KCNQ1OT1: variants seen among roughly 807,000 people sequenced by gnomAD.
KCNQ1OT1 encodes the protein KCNQ1 opposite strand/antisense transcript 1, also known as KCNQ1 antisense RNA 2 (non-protein coding).
rs1347171096 is a variant in KCNQ1OT1, at chr11:2,661,148, C to T, written n.38847G>A. ...TGAGCAGAGAGGGTGGGCTAGGGAT[C>T]TAGTTGGCAGTTAACACTGATGACC... is the stretch of plus-strand genomic sequence containing the variant. On this transcript the variant is annotated non_coding_transcript_exon_variant, in exon 1 of 1. Transcript: ENST00000597346. The surrounding 1 kb of genome is among the most constrained non-coding windows in gnomAD (Gnocchi z 5.9). The T allele has an allele frequency of 2.5e-6, 1 of 398,448 alleles. No individual in the cohort carries two copies. Among genetic ancestry groups the T allele is most frequent in the East Asian group, 3.6e-5 (1 of 28,090 alleles). 24.7% of individuals were successfully genotyped at this position (398,448 alleles called of 1,614,324 possible).
In KCNQ1OT1 at chr11:2,683,081, G is replaced by A; in HGVS notation, n.16914C>T. On this transcript the variant is annotated non_coding_transcript_exon_variant, in exon 1 of 1. Coordinates refer to ENST00000597346, the Ensembl canonical transcript of KCNQ1OT1. The surrounding 1 kb of genome is among the most constrained non-coding windows in gnomAD (Gnocchi z 4.7). The stretch of plus-strand genomic sequence containing the variant: ...AGGCTCTTGCTAGCCTGAGGACCAG[G>A]AGCCTTCAGATTTTCTTGTTCCCAG... 1 of 398,578 alleles carries A rather than the reference G, an allele frequency of 2.5e-6. No homozygotes were observed. Among genetic ancestry groups the A allele is most frequent in the Non-Finnish European group, 4.4e-6 (1 of 226,122 alleles). The allele number at this position is 398,578 out of a possible 1,614,324, so 24.7% of individuals were successfully genotyped here.
exon 1 of KCNQ1OT1, chr11:2,618,015 C>T (rs1849096781): frequency 2.5e-6 from 1 of 398,334 alleles, no homozygotes; most frequent in South Asian, 1.3e-4. Flanking sequence ...GTTTCCGTTC[C>T]TGTGCAGAAG....
exon 1 of KCNQ1OT1, chr11:2,699,355 C>A: frequency 2.5e-6 from 1 of 399,274 alleles, no homozygotes; most frequent in Non-Finnish European, 4.4e-6. Flanking sequence ...TCACCCGTCC[C>A]GCGCCGTCCG....
In KCNQ1OT1 at chr11:2,625,220, C is replaced by T. The variant is rs1849243852; in HGVS notation, n.74775G>A. On this transcript the variant is annotated non_coding_transcript_exon_variant, in exon 1 of 1. Coordinates refer to ENST00000597346, the Ensembl canonical transcript of KCNQ1OT1. ...ACAGTGCACAAGGATTCCAATTTCTCCATGTCCCTTCCAGCAGTGGTTATT... is the reference window on the plus strand; with the variant it reads ...ACAGTGCACAAGGATTCCAATTTCTTCATGTCCCTTCCAGCAGTGGTTATT... 9 of 398,632 alleles carry T rather than the reference C, an allele frequency of 2.3e-5. No individual in the cohort carries two copies. The South Asian group carries it at 1.0e-3, about 45-fold the overall frequency. The allele number at this position is 398,632 out of a possible 1,614,324, so 24.7% of individuals were successfully genotyped here. A position where few individuals can be genotyped will look rare whatever the true frequency, so the allele number is the denominator to read the frequency against.
At position 2,658,701 on chromosome 11, in the gene KCNQ1OT1, T is replaced by A; in HGVS notation, n.41294A>T. ...CAGAGCTAGGAAATATATGTATGTATGTAACCTGAGTACACATACATCTTT... is the reference window on the plus strand; with the variant it reads ...CAGAGCTAGGAAATATATGTATGTAAGTAACCTGAGTACACATACATCTTT... On this transcript the variant is annotated non_coding_transcript_exon_variant, in exon 1 of 1. Coordinates refer to ENST00000597346, the Ensembl canonical transcript of KCNQ1OT1. This position sits in a 1 kb window ranked among gnomAD's most constrained non-coding sequence, Gnocchi z 4.9. 2 of 398,584 alleles carry A rather than the reference T, an allele frequency of 5.0e-6. No homozygotes were observed. Among genetic ancestry groups the A allele is most frequent in the South Asian group, 1.3e-4 (1 of 7,858 alleles). The allele number at this position is 398,584 out of a possible 1,614,324, so 24.7% of individuals were successfully genotyped here. A position where few individuals can be genotyped will look rare whatever the true frequency, so the allele number is the denominator to read the frequency against.
exon 1 of KCNQ1OT1, chr11:2,699,349 C>T (rs1275622948): frequency 2.5e-5 from 10 of 398,938 alleles, no homozygotes; most frequent in Non-Finnish European, 4.4e-5. Flanking sequence ...CAGTGATCAC[C>T]CGTCCCGCGC....
rs1185558986 is a variant in KCNQ1OT1 at position 2,652,408 on chromosome 11, G to A, written n.47587C>T. 4.8e-5 allele frequency: 19 copies of A among 398,548 alleles called. No individual in the cohort carries two copies. The highest frequency in any genetic ancestry group is 8.0e-5 in the Non-Finnish European group (18 of 226,048). The allele number at this position is 398,548 out of a possible 1,614,324, so 24.7% of individuals were successfully genotyped here. A position where few individuals can be genotyped will look rare whatever the true frequency, so the allele number is the denominator to read the frequency against. The stretch of plus-strand genomic sequence containing the variant: ...AGATTAAAAACATTTTTTTCTTCCT[G>A]TGTAATTTTGTCTTGAAAATCAAGG... On this transcript the variant is annotated non_coding_transcript_exon_variant, in exon 1 of 1. Transcript: ENST00000597346. The surrounding 1 kb of genome is among the most constrained non-coding windows in gnomAD (Gnocchi z 5.9).
chr11:2,648,820 C>A, exon 1 of KCNQ1OT1: 1 of 398,408 alleles, frequency 2.5e-6, no homozygotes, highest in Non-Finnish European at 4.4e-6. Context: ...CCATCCCTAA[C>A]TATTATTGTA....
exon 1 of KCNQ1OT1, chr11:2,622,925 G>A: frequency 2.5e-6 from 1 of 398,590 alleles, no homozygotes. Flanking sequence ...CACTGTTGGG[G>A]TGTACATTCT....
chr11:2,648,474 A>G, exon 1 of KCNQ1OT1: 1 of 398,300 alleles, frequency 2.5e-6, no homozygotes, highest in African/African-American at 2.1e-5. Flanking sequence ...CTGTGTTTCT[A>G]TTTTCATTTG....
chr11:2,666,221 C>T (rs976387059), exon 1 of KCNQ1OT1: 30 of 398,516 alleles, frequency 7.5e-5, no homozygotes, highest in African/African-American at 2.9e-4. Context: ...ACTCAGGGAG[C>T]ACCCGGCCCA....
In KCNQ1OT1 at chr11:2,678,747, T is replaced by TG; in HGVS notation, n.21247dup. 2.5e-6 allele frequency: 1 copy of TG among 398,562 alleles called. No individual in the cohort carries two copies. Among genetic ancestry groups the TG allele is most frequent in the East Asian group, 3.6e-5 (1 of 28,066 alleles). The allele number at this position is 398,562 out of a possible 1,614,324, so 24.7% of individuals were successfully genotyped here. ...TTAGCTCTTGAGTTAGACAGGAAGC[T>TG]GGGGTGTTTGGGACTGAGGCTTCAT... On this transcript the variant is annotated non_coding_transcript_exon_variant, in exon 1 of 1. Coordinates refer to ENST00000597346, the Ensembl canonical transcript of KCNQ1OT1. This position sits in a 1 kb window ranked among gnomAD's most constrained non-coding sequence, Gnocchi z 4.9.
At chr11:2,666,944 A>G (rs1850082633) in exon 1 of KCNQ1OT1, 1 of 398,634 alleles carries the variant, frequency 2.5e-6, no homozygotes, top group Non-Finnish European at 4.4e-6. Flanking sequence ...CTCTGTCTGC[A>G]CGAGATGCCA....
exon 1 of KCNQ1OT1, chr11:2,638,617 T>G (rs1315436509): frequency 6.6e-6 from 1 of 152,234 alleles, no homozygotes. Context: ...ATTTTTTCCT[T>G]CATTTCAACT....
Position 2,660,297 on chromosome 11 carries a change from C to T in KCNQ1OT1, n.39698G>A, listed in dbSNP as rs1315744675. On this transcript the variant is annotated non_coding_transcript_exon_variant, in exon 1 of 1. Coordinates refer to ENST00000597346, the Ensembl canonical transcript of KCNQ1OT1. ...CTAAATGCATTAAAACTTTTACACACATACATATGTATACATACAACACAT... is the reference window on the plus strand; with the variant it reads ...CTAAATGCATTAAAACTTTTACACATATACATATGTATACATACAACACAT... 4.3e-5 allele frequency: 17 copies of T among 398,248 alleles called. No individual in the cohort carries two copies. The East Asian group carries it at 5.0e-4, about 12-fold the overall frequency. 24.7% of individuals were successfully genotyped at this position (398,248 alleles called of 1,614,324 possible).
chr11:2,699,100 C>T (rs1474428194), exon 1 of KCNQ1OT1: 3 of 398,532 alleles, frequency 7.5e-6, no homozygotes, highest in African/African-American at 4.1e-5. Context: ...ATCCCAATAG[C>T]GCGGACTCAG....
chr11:2,630,790 C>CT, exon 1 of KCNQ1OT1: 1 of 398,458 alleles, frequency 2.5e-6, no homozygotes, highest in Non-Finnish European at 4.4e-6. Flanking sequence ...ACTCCTTCAA[C>CT]TTTTGTTTAC....
Position 2,647,757 on chromosome 11 carries a change from C to T in KCNQ1OT1, n.52238G>A, listed in dbSNP as rs1849688302. ...ATGTCCAGGAATTTATCTCTTTCCT[C>T]TAGGTTTTCTAATTGTTGACATATA... On this transcript the variant is annotated non_coding_transcript_exon_variant, in exon 1 of 1. Coordinates refer to ENST00000597346, the Ensembl canonical transcript of KCNQ1OT1. This position sits in a 1 kb window ranked among gnomAD's most constrained non-coding sequence, Gnocchi z 4.0. 2.5e-6 allele frequency: 1 copy of T among 398,290 alleles called. No individual in the cohort carries two copies. The highest frequency in any genetic ancestry group is 1.3e-4 in the South Asian group (1 of 7,852). 24.7% of individuals were successfully genotyped at this position (398,290 alleles called of 1,614,324 possible). A position where few individuals can be genotyped will look rare whatever the true frequency, so the allele number is the denominator to read the frequency against.
exon 1 of KCNQ1OT1, chr11:2,681,388 T>C: frequency 2.5e-6 from 1 of 398,440 alleles, no homozygotes. Context: ...CTCTTGGGGC[T>C]GGGGTGACTA....
Sources: gnomAD v4.1 joint callset for allele counts on GRCh38, gnomAD v4.1.1 for gene constraint, Gnocchi (gnomAD v3.1) non-coding constraint, MANE v1.5 for transcripts, NCBI Gene and HGNC (gene_info 2026-07-23, HGNC 2026-07-21) for gene names.